The following RALYL variants were observed in gnomAD, a reference collection of about 807,000 sequenced individuals.
RALYL encodes RNA-binding Raly-like protein.
A neutral mutation model predicts 35.1 loss-of-function variants in RALYL; 29 were observed. That is an observed-to-expected ratio of 0.83 (90% CI 0.61 to 1.13). The LOEUF (loss-of-function observed/expected upper bound fraction) is 1.13. Among genes scored for constraint, RALYL ranks in the 50% most tolerant of loss-of-function variants. The pLI, the probability that RALYL is intolerant of heterozygous loss-of-function variation, is 0.00. For synonymous variants in RALYL, 120 were observed against 127.6 expected (o/e 0.94, Z 0.40); for missense variants, 359 against 360.4 (o/e 1.00, Z 0.03).
At chr8:84,821,048 A>T (rs948255609) in intron 4 of RALYL, among the ~76,000 whole-genome samples, 1 of 152,178 alleles carries the variant, frequency 6.6e-6, no homozygotes, top group Non-Finnish European at 1.5e-5. Context: ...CCTTCAACTC[A>T]TCTCAAAGAA....
chr8:84,425,389 T>A (rs548779162), intron 1 of RALYL, among the ~76,000 whole-genome samples: 1 of 152,182 alleles, frequency 6.6e-6, no homozygotes, highest in Non-Finnish European at 1.5e-5. Context: ...GGTGAGGCAA[T>A]GCCTCGCCCT....
chr8:84,315,058 T>C (rs1165848925), intron 1 of RALYL, among the ~76,000 whole-genome samples: 1 of 152,210 alleles, frequency 6.6e-6, no homozygotes, highest in Non-Finnish European at 1.5e-5. Flanking sequence ...TTTCTGTGGG[T>C]ACATTCCTAT....
intron 5 of RALYL, among the ~76,000 whole-genome samples, chr8:84,853,517 C>T (rs7004118): frequency 0.28 from 42,454 of 152,002 alleles, 6,498 homozygotes; most frequent in East Asian, 0.63. Flanking sequence ...AACTTAGCTA[C>T]AGTATGAACA....
intron 2 of RALYL, among the ~76,000 whole-genome samples, chr8:84,728,933 G>A (rs1845561976): frequency 1.3e-5 from 2 of 152,108 alleles, no homozygotes; most frequent in Admixed American, 1.3e-4. Flanking sequence ...TGTTCTTTTG[G>A]CTTAGGATTG....
chr8:84,460,728 T>C (rs186356348), intron 1 of RALYL, among the ~76,000 whole-genome samples: 2 of 151,804 alleles, frequency 1.3e-5, no homozygotes, highest in East Asian at 3.9e-4. Flanking sequence ...AAAAGAACTT[T>C]CGTGGTCATT....
In RALYL at chr8:84,873,364, G is replaced by A; in HGVS notation, c.652G>A (p.Glu218Lys). 6.3e-7 allele frequency: 1 copy of A among 1,599,458 alleles called. No individual in the cohort carries two copies. Among genetic ancestry groups the A allele is most frequent in the Non-Finnish European group, 8.5e-7 (1 of 1,172,632 alleles). ...AATTGACTCCTTGCTAGGGCGCCTG[G>A]AGAAGATTGAGAAACAGCAGAAGGC... ...TKIDSLLGRL[E>K]KIEKQQKAEA... is the part of the protein sequence containing the mutation. The change falls in exon 7 of 9, where the codon GAG becomes AAG. Residue 218 changes from glutamate to lysine, a missense_variant. Glu to Lys is a moderately conservative substitution (Grantham distance 56). Coordinates refer to ENST00000521268, the MANE Select transcript of RALYL (RefSeq NM_173848.7).
intron 1 of RALYL, among the ~76,000 whole-genome samples, chr8:84,397,006 C>T (rs982989665): frequency 1.3e-5 from 2 of 152,014 alleles, no homozygotes; most frequent in Non-Finnish European, 2.9e-5. Flanking sequence ...ATGTGGTCAA[C>T]GATCTTGAGA....
rs116615685 is a variant in RALYL at position 84,449,734 on chromosome 8, C to A, written c.-23-79565C>A. 5.2e-3 allele frequency among the ~76,000 whole-genome samples: 787 copies of A among 152,094 alleles called. 6 individuals carry two copies. Among genetic ancestry groups the A allele is most frequent in the African/African-American group, 0.018 (731 of 41,526 alleles). ...ATTTTTATATTTTACCTGAAATATA[C>A]TCTCTACCTTGATTGATTTGTTTTA... is the stretch of plus-strand genomic sequence containing the variant. On this transcript the variant is annotated intron_variant, in intron 1 of 8. Coordinates refer to ENST00000521268, the MANE Select transcript of RALYL (RefSeq NM_173848.7).
At chr8:84,394,520 G>A (rs1294384040) in intron 1 of RALYL, among the ~76,000 whole-genome samples, 1 of 151,894 alleles carries the variant, frequency 6.6e-6, no homozygotes, top group Admixed American at 6.6e-5. Flanking sequence ...TTTAATATAA[G>A]GTGATTTAGC....
At chr8:84,223,822 G>T (rs1045931708) in intron 1 of RALYL, among the ~76,000 whole-genome samples, 22 of 152,180 alleles carry the variant, frequency 1.4e-4, no homozygotes, top group African/African-American at 5.1e-4. Context: ...AATGTGTGAA[G>T]ATCATTAAAG....
At chr8:84,603,324 T>C (rs952584549) in intron 2 of RALYL, among the ~76,000 whole-genome samples, 1 of 152,132 alleles carries the variant, frequency 6.6e-6, no homozygotes, top group East Asian at 1.9e-4. Flanking sequence ...GTTATTATTG[T>C]TACTTTATTA....
chr8:84,419,913 T>C (rs2045288535), intron 1 of RALYL, among the ~76,000 whole-genome samples: 1 of 151,810 alleles, frequency 6.6e-6, no homozygotes, highest in South Asian at 2.1e-4. Context: ...CCATGTTGTA[T>C]ATGTGCCACA....
At chr8:84,675,328 A>C (rs934896337) in intron 2 of RALYL, among the ~76,000 whole-genome samples, 3 of 152,134 alleles carry the variant, frequency 2.0e-5, no homozygotes, top group Admixed American at 2.0e-4. Context: ...GTATGTATTA[A>C]GGTATAACCA....
intron 2 of RALYL, among the ~76,000 whole-genome samples, chr8:84,536,713 G>T (rs778053195): frequency 6.6e-6 from 1 of 152,016 alleles, no homozygotes; most frequent in Non-Finnish European, 1.5e-5. Context: ...ATTACCATTT[G>T]GACTGAGAAA....
chr8:84,576,294 A>G (rs1044688853), intron 2 of RALYL, among the ~76,000 whole-genome samples: 9 of 152,232 alleles, frequency 5.9e-5, no homozygotes, highest in African/African-American at 2.2e-4. Flanking sequence ...CATAAGCATT[A>G]CTGTAAAGAA....
intron 2 of RALYL, among the ~76,000 whole-genome samples, chr8:84,700,301 T>C (rs999792559): frequency 6.6e-6 from 1 of 152,138 alleles, no homozygotes; most frequent in Admixed American, 6.6e-5. Context: ...GTTTAATACA[T>C]GTAAGTATTA....
At chr8:84,236,755 C>CA (rs1303261591) in intron 1 of RALYL, among the ~76,000 whole-genome samples, 1 of 151,842 alleles carries the variant, frequency 6.6e-6, no homozygotes, top group Non-Finnish European at 1.5e-5. Context: ...TTCACTGTGT[C>CA]AAAAAATGAA....
intron 4 of RALYL, among the ~76,000 whole-genome samples, chr8:84,813,128 G>A (rs761453883): frequency 6.6e-6 from 1 of 152,180 alleles, no homozygotes; most frequent in African/African-American, 2.4e-5. Flanking sequence ...CTCAGCTCTT[G>A]AAATTGACTC....
intron 2 of RALYL, among the ~76,000 whole-genome samples, chr8:84,558,815 T>C (rs770391219): frequency 2.0e-5 from 3 of 152,148 alleles, no homozygotes; most frequent in Non-Finnish European, 2.9e-5. Flanking sequence ...TTTAGCACTT[T>C]CTGATTTTGT....
Sources: gnomAD v4.1 joint callset for allele counts (sites outside exome capture counted in the v4.1 genomes callset) on GRCh38, gnomAD v4.1.1 for gene constraint, MANE v1.5 for transcripts, NCBI Gene and HGNC (gene_info 2026-07-23, HGNC 2026-07-21) for gene names.